Variants in USP26 observed in about 807,000 individuals in gnomAD.
The protein encoded by USP26 is ubiquitin specific peptidase 26.
For synonymous variants in USP26, 236 were observed against 240.6 expected, an observed-to-expected ratio of 0.98 and a Z score of 0.18; for missense variants, 649 against 642.3, an observed-to-expected ratio of 1.01 and a Z score of -0.11.
At chrX:133,055,733 T>G (rs1360203332) in intron 5 of USP26, among the ~76,000 whole-genome samples, 2 of 111,725 alleles carry the variant, frequency 1.8e-5, no homozygotes, top group East Asian at 5.7e-4. Flanking sequence ...AGCAAGGTTT[T>G]GTTTCTGGTG....
chrX:133,027,621 A>G lies in USP26; in HGVS notation c.600T>C (p.Ser200=), dbSNP rs757579734. 13 of 1,209,280 alleles carry G rather than the reference A, an allele frequency of 1.1e-5. No homozygotes were observed. The Admixed American group carries it at 2.6e-4, about 24-fold the overall frequency. The change falls in exon 6 of 6, where the codon TCT becomes TCC. Residue 200 remains serine, a synonymous_variant. Transcript: ENST00000511190. ...MNEEFLKENN[S]VEYKKSKADC... ...CTGCCTTGGATTTCTTGTATTCTAC[A>G]GAATTATTTTCTTTCAAGAATTCCT...
rs755491677 is a variant in USP26 at position 133,039,419 on chromosome X, T to TTAC, written c.-76-11126_-76-11124dup. On this transcript the variant is annotated intron_variant, in intron 5 of 5. Transcript: ENST00000511190. ...GTTATTTCTGTCTTAAATGTGTTAT[T>TTAC]TACTCAGTAGTCATTCAGAAGCAGG... 3.6e-5 allele frequency among the ~76,000 whole-genome samples: 4 copies of TTAC among 112,255 alleles called. No individual in the cohort carries two copies. The South Asian group carries it at 1.5e-3, about 41-fold the overall frequency.
chrX:133,075,776 A>G (rs1343969689), intron 5 of USP26, among the ~76,000 whole-genome samples: 2 of 111,977 alleles, frequency 1.8e-5, no homozygotes, highest in Admixed American at 1.9e-4. Flanking sequence ...TTTTAAATAC[A>G]GCTATTTTAT....
chrX:133,076,276 T>G (rs1433858507), intron 5 of USP26, among the ~76,000 whole-genome samples: 2 of 111,462 alleles, frequency 1.8e-5, no homozygotes, highest in African/African-American at 6.5e-5. Context: ...TATGATGCTA[T>G]GAAATTTCCT....
At chrX:133,094,723 G>A (rs1295900675) in intron 1 of USP26, among the ~76,000 whole-genome samples, 1 of 112,109 alleles carries the variant, frequency 8.9e-6, no homozygotes, top group Non-Finnish European at 1.9e-5. Flanking sequence ...AGTGGCTGGT[G>A]ATTGGCACTT....
chrX:133,092,058 C>G (rs2067609665), intron 1 of USP26, among the ~76,000 whole-genome samples: 1 of 111,582 alleles, frequency 9.0e-6, no homozygotes, highest in Admixed American at 9.5e-5. Context: ...TTCAGAGAAA[C>G]TTCTGAAAAT....
chrX:133,062,280 C>T (rs979277087), intron 5 of USP26, among the ~76,000 whole-genome samples: 3 of 111,817 alleles, frequency 2.7e-5, no homozygotes, highest in Admixed American at 9.4e-5. Flanking sequence ...CTCCCAGGGA[C>T]AGAGCACCTG....
intron 4 of USP26, among the ~76,000 whole-genome samples, chrX:133,086,137 A>G (rs1450092260): frequency 8.9e-6 from 1 of 112,141 alleles, no homozygotes; most frequent in African/African-American, 3.2e-5. Flanking sequence ...TGAATACAAA[A>G]TATTGTAAAA....
rs1214210427 is a variant in USP26 at position 133,024,499 on chromosome X, C to T, written c.*980G>A. ...GCCAATTTCTTAAAAGCAAATCAAT[C>T]TGGAGATTTGACTTGGCGTTTAGCC... On this transcript the variant is annotated 3_prime_UTR_variant, in exon 6 of 6. Coordinates refer to ENST00000511190, the MANE Select transcript of USP26 (RefSeq NM_031907.3). The T allele has an allele frequency of 1.8e-5, 2 of 111,781 alleles. No individual in the cohort carries two copies. Among genetic ancestry groups the T allele is most frequent in the African/African-American group, 3.2e-5 (1 of 30,809 alleles). 9.2% of individuals were successfully genotyped at this position (111,781 alleles called of 1,213,427 possible).
chrX:133,077,784 T>C (rs2067554878), intron 5 of USP26, among the ~76,000 whole-genome samples: 1 of 111,962 alleles, frequency 8.9e-6, no homozygotes, highest in African/African-American at 3.2e-5. Context: ...GAGATCTAGT[T>C]GTTTAAAATA....
chrX:133,094,928 C>G (rs1254303727), intron 1 of USP26, among the ~76,000 whole-genome samples: 5 of 109,823 alleles, frequency 4.6e-5, no homozygotes, highest in Non-Finnish European at 7.6e-5. Context: ...AACCCCGTCT[C>G]TACTAAAAAT....
chrX:133,068,851 A>T (rs2067521233), intron 5 of USP26, among the ~76,000 whole-genome samples: 1 of 112,596 alleles, frequency 8.9e-6, no homozygotes, highest in Non-Finnish European at 1.9e-5. Flanking sequence ...TATATATAAT[A>T]AGCAAAAACA....
At chrX:133,066,527 C>T (rs906908479) in intron 5 of USP26, among the ~76,000 whole-genome samples, 1 of 111,123 alleles carries the variant, frequency 9.0e-6, no homozygotes, top group Admixed American at 9.6e-5. Context: ...AAAACAGATA[C>T]GTAGACCAAT....
At chrX:133,087,585 C>T (rs777474334) in intron 4 of USP26, among the ~76,000 whole-genome samples, 1 of 112,081 alleles carries the variant, frequency 8.9e-6, no homozygotes, top group Non-Finnish European at 1.9e-5. Context: ...ACTTGTTAAA[C>T]AAAAAGCATA....
At chrX:133,075,369 C>A (rs1224579686) in intron 5 of USP26, among the ~76,000 whole-genome samples, 2 of 112,246 alleles carry the variant, frequency 1.8e-5, no homozygotes, top group Non-Finnish European at 1.9e-5. Flanking sequence ...AATGTCTGGC[C>A]TTGTCCTGAG....
At position 133,025,072 on chromosome X, in the gene USP26, C is replaced by G. The variant is rs2067339687; in HGVS notation, c.*407G>C. On this transcript the variant is annotated 3_prime_UTR_variant, in exon 6 of 6. Coordinates refer to ENST00000511190, the MANE Select transcript of USP26 (RefSeq NM_031907.3). ...AATAGCTAGGCCTGGTGGCACACATCTATAGTCCCATCTCAAGCAAGAAGA... is the reference window on the plus strand; with the variant it reads ...AATAGCTAGGCCTGGTGGCACACATGTATAGTCCCATCTCAAGCAAGAAGA... The G allele has an allele frequency of 6.4e-6, 1 of 157,373 alleles. No individual in the cohort carries two copies. The highest frequency in any genetic ancestry group is 7.7e-5 in the Admixed American group (1 of 12,930). 13.0% of individuals were successfully genotyped at this position (157,373 alleles called of 1,213,427 possible).
chrX:133,077,439 GTAGC>G, intron 5 of USP26, among the ~76,000 whole-genome samples: 1 of 111,923 alleles, frequency 8.9e-6, no homozygotes, highest in African/African-American at 3.2e-5. Flanking sequence ...TATGTAGCTT[GTAGC>G]TGCAGCTAAC....
chrX:133,071,593 C>A (rs2067530807), intron 5 of USP26, among the ~76,000 whole-genome samples: 1 of 110,803 alleles, frequency 9.0e-6, no homozygotes, highest in South Asian at 3.8e-4. Context: ...ATGCAATAGT[C>A]CAAAAGGATT....
In USP26 at chrX:133,073,336, TAAAA is replaced by T. The variant is rs748725340; in HGVS notation, c.-77+10367_-77+10370del. On this transcript the variant is annotated intron_variant, in intron 5 of 5. Coordinates refer to ENST00000511190, the MANE Select transcript of USP26 (RefSeq NM_031907.3). ...GTTGTCCAAAGCTGTTTCATGGGAC[TAAAA>T]AAAAAAAAAAAAAAAAACCACTTTT... 5.2e-4 allele frequency among the ~76,000 whole-genome samples: 39 copies of T among 74,866 alleles called. 1 individual carries two copies. Among genetic ancestry groups the T allele is most frequent in the African/African-American group, 1.5e-3 (31 of 20,582 alleles). 65.0% of individuals were successfully genotyped at this position (74,866 alleles called of 115,157 possible).
Sources: gnomAD v4.1 joint callset for allele counts (sites outside exome capture counted in the v4.1 genomes callset) on GRCh38, gnomAD v4.1.1 for gene constraint, MANE v1.5 for transcripts, NCBI Gene and HGNC (gene_info 2026-07-23, HGNC 2026-07-21) for gene names.